The following CSMD3 variants were observed in gnomAD, a reference collection of about 807,000 sequenced individuals.
CSMD3 encodes the protein CUB and sushi domain-containing protein 3.
CSMD3 carries 177 observed loss-of-function variants against 435.2 expected under a neutral mutation model. The ratio of observed to expected loss-of-function variants is 0.41; its 90% CI spans 0.36 to 0.46. The LOEUF (loss-of-function observed/expected upper bound fraction) is 0.46. Among genes scored for constraint, CSMD3 ranks in the 20% least tolerant of loss-of-function variants. The pLI is 0.34. For missense variants in CSMD3, 4,265 were observed against 4,504.6 expected, an observed-to-expected ratio of 0.95 and a Z score of 1.52; for synonymous variants, 1,656 against 1,520.5, an observed-to-expected ratio of 1.09 and a Z score of -2.07.
At chr8:113,411,671 T>G (rs1369153631) in intron 1 of CSMD3, among the ~76,000 whole-genome samples, 1 of 152,176 alleles carries the variant, frequency 6.6e-6, no homozygotes, top group Admixed American at 6.5e-5. Context: ...GCTTACAGAA[T>G]TTATAGCACT....
In CSMD3 at chr8:112,522,607, C is replaced by T. The variant is rs1311076784; in HGVS notation, c.4565-5382G>A. 2.0e-5 allele frequency among the ~76,000 whole-genome samples: 3 copies of T among 151,860 alleles called. No homozygotes were observed. The East Asian group carries it at 5.8e-4, about 29-fold the overall frequency. ...ATGAATGAACAAAACTGTCATTTGT[C>T]ATTTCAGTGTATGCTGAAGGTTTAT... On this transcript the variant is annotated intron_variant, in intron 27 of 70. Transcript: ENST00000297405.
At chr8:113,356,462 T>C (rs2094228812) in intron 1 of CSMD3, among the ~76,000 whole-genome samples, 1 of 152,132 alleles carries the variant, frequency 6.6e-6, no homozygotes, top group Non-Finnish European at 1.5e-5. Context: ...ACAAGGAAGA[T>C]TTCTACCTTT....
intron 32 of CSMD3, among the ~76,000 whole-genome samples, chr8:112,411,208 A>G (rs1811304407): frequency 6.6e-6 from 1 of 151,374 alleles, no homozygotes; most frequent in South Asian, 2.1e-4. Flanking sequence ...TCTAAACTGA[A>G]TATGTTGAGA....
At chr8:113,112,592 G>A (rs2090695044) in intron 4 of CSMD3, among the ~76,000 whole-genome samples, 2 of 151,176 alleles carry the variant, frequency 1.3e-5, no homozygotes, top group Non-Finnish European at 2.9e-5. Flanking sequence ...CCAGTTCTTG[G>A]ACTGAGAAGT....
intron 35 of CSMD3, among the ~76,000 whole-genome samples, chr8:112,405,098 G>T (rs1360538423): frequency 1.4e-5 from 2 of 144,740 alleles, no homozygotes; most frequent in South Asian, 2.2e-4. Flanking sequence ...GAGGCAGGAG[G>T]CTTTAACCTG....
chr8:113,393,788 A>T (rs1158426153), intron 1 of CSMD3, among the ~76,000 whole-genome samples: 1 of 152,104 alleles, frequency 6.6e-6, no homozygotes, highest in South Asian at 2.1e-4. Context: ...GAGACTCTTC[A>T]TGGTCAGGAA....
intron 13 of CSMD3, among the ~76,000 whole-genome samples, chr8:112,787,502 C>T (rs2132273986): frequency 6.6e-6 from 1 of 152,226 alleles, no homozygotes; most frequent in South Asian, 2.1e-4. Context: ...TTTGTCGCAG[C>T]ACTATTCACA....
intron 39 of CSMD3, among the ~76,000 whole-genome samples, chr8:112,351,616 A>G (rs1319598482): frequency 6.6e-6 from 1 of 151,984 alleles, no homozygotes; most frequent in Non-Finnish European, 1.5e-5. Flanking sequence ...AAGTAGGTTA[A>G]AGAATAATTT....
At chr8:112,837,281 A>G (rs1256355859) in intron 11 of CSMD3, among the ~76,000 whole-genome samples, 2 of 151,764 alleles carry the variant, frequency 1.3e-5, no homozygotes, top group Non-Finnish European at 3.0e-5. Flanking sequence ...GACATTTTTT[A>G]TTTACATAAT....
chr8:113,340,730 A>G (rs1037084449), intron 1 of CSMD3, among the ~76,000 whole-genome samples: 4 of 151,988 alleles, frequency 2.6e-5, no homozygotes, highest in Non-Finnish European at 4.4e-5. Flanking sequence ...AAAATTAGCC[A>G]GGTGCAGTAG....
chr8:113,275,053 T>C (rs953691187), intron 3 of CSMD3, among the ~76,000 whole-genome samples: 1 of 152,056 alleles, frequency 6.6e-6, no homozygotes, highest in East Asian at 1.9e-4. Flanking sequence ...GAAATGCTTA[T>C]ATATAAAGTA....
At chr8:112,691,241 C>T (rs1164664522) in intron 13 of CSMD3, among the ~76,000 whole-genome samples, 4 of 152,054 alleles carry the variant, frequency 2.6e-5, no homozygotes, top group Admixed American at 2.0e-4. Context: ...TTAAACGTTT[C>T]TTTAAAAAAC....
intron 3 of CSMD3, among the ~76,000 whole-genome samples, chr8:113,233,846 C>T (rs2093118113): frequency 6.6e-6 from 1 of 152,052 alleles, no homozygotes; most frequent in South Asian, 2.1e-4. Context: ...CACAATTTGA[C>T]GGTTGCTGAC....
chr8:112,407,511 A>G (rs1433041780), intron 34 of CSMD3, among the ~76,000 whole-genome samples: 4 of 152,012 alleles, frequency 2.6e-5, no homozygotes, highest in African/African-American at 9.7e-5. Context: ...TTCTTATGCG[A>G]CTTGAGTAAA....
intron 4 of CSMD3, among the ~76,000 whole-genome samples, chr8:113,167,211 C>T (rs755287487): frequency 6.6e-6 from 1 of 151,878 alleles, no homozygotes; most frequent in Non-Finnish European, 1.5e-5. Flanking sequence ...TAAATACAAA[C>T]GTAACAAGTG....
intron 2 of CSMD3, among the ~76,000 whole-genome samples, chr8:113,289,004 C>A (rs1053178374): frequency 1.3e-5 from 2 of 151,694 alleles, no homozygotes; most frequent in African/African-American, 4.8e-5. Flanking sequence ...TAAAAAAACT[C>A]ATTCAGTGAT....
At chr8:112,831,557 G>GTT (rs5894109) in intron 11 of CSMD3, among the ~76,000 whole-genome samples, 2,968 of 142,904 alleles carry the variant, frequency 0.021, 46 homozygotes, top group African/African-American at 0.039. Context: ...ATGTAAAAGT[G>GTT]TTTTTTTTTT....
chr8:113,365,101 G>C (rs915503935), intron 1 of CSMD3, among the ~76,000 whole-genome samples: 2 of 152,018 alleles, frequency 1.3e-5, no homozygotes, highest in Non-Finnish European at 2.9e-5. Context: ...CCCAAGGCAG[G>C]TACCTAATGA....
intron 3 of CSMD3, among the ~76,000 whole-genome samples, chr8:113,216,378 C>A (rs572893909): frequency 6.6e-6 from 1 of 151,892 alleles, no homozygotes; most frequent in African/African-American, 2.4e-5. Context: ...ATATAGTAAG[C>A]AGAGTTCCAT....
Sources: gnomAD v4.1 joint callset for allele counts (sites outside exome capture counted in the v4.1 genomes callset) on GRCh38, gnomAD v4.1.1 for gene constraint, MANE v1.5 for transcripts, NCBI Gene and HGNC (gene_info 2026-07-23, HGNC 2026-07-21) for gene names.